Variants in DHRSX observed in about 807,000 individuals in gnomAD.
DHRSX encodes the protein dehydrogenase/reductase X-linked.
A neutral mutation model predicts 34.0 loss-of-function variants in DHRSX; 31 were observed. That is an observed-to-expected ratio of 0.91 (90% CI 0.69 to 1.23). The LOEUF is 1.23. Ranked by LOEUF, DHRSX falls within the 50% of genes most tolerant of loss-of-function variation. DHRSX has a pLI of 0.00. For synonymous variants in DHRSX, 201 were observed against 183.8 expected (o/e 1.09, Z -0.76); for missense variants, 414 against 428.1 (o/e 0.97, Z 0.29).
intron 1 of DHRSX, among the ~76,000 whole-genome samples, chrX:2,461,993 C>A (rs1199582912): frequency 6.6e-6 from 1 of 152,120 alleles, no homozygotes; most frequent in East Asian, 1.9e-4. Context: ...GCTGGCCATG[C>A]AGCTGTTTTA....
At position 2,243,809 on chromosome X, in the gene DHRSX, T is replaced by G. The variant is rs866351591; in HGVS notation, c.597-579A>C. On this transcript the variant is annotated intron_variant, in intron 5 of 6. Coordinates refer to ENST00000334651, the MANE Select transcript of DHRSX (RefSeq NM_145177.3). The stretch of plus-strand genomic sequence containing the variant: ...CCCTGTTTTTTTTTTTTTTTTTTTT[T>G]TTTTTTTTTTTTTGAGACAGATTCT... Among the ~76,000 whole-genome samples, 260 of 104,346 alleles carry G rather than the reference T, an allele frequency of 2.5e-3. 3 individuals are homozygous for G. The highest frequency in any genetic ancestry group is 3.0e-3 in the South Asian group (9 of 2,974). The allele number at this position is 104,346 out of a possible 152,430, so 68.5% of individuals were successfully genotyped here. A position where few individuals can be genotyped will look rare whatever the true frequency, so the allele number is the denominator to read the frequency against.
intron 3 of DHRSX, among the ~76,000 whole-genome samples, chrX:2,408,251 T>C (rs918306015): frequency 6.6e-6 from 1 of 152,062 alleles, no homozygotes; most frequent in Non-Finnish European, 1.5e-5. Flanking sequence ...AATTTTTGTA[T>C]TTTTAGTAGA....
intron 4 of DHRSX, among the ~76,000 whole-genome samples, chrX:2,282,502 TAGAGAGACAAGG>T (rs1569483427): frequency 7.8e-6 from 1 of 128,826 alleles, no homozygotes. Flanking sequence ...ACAAAGGAGA[TAGAGAGACAAGG>T]GGAGAGACAG....
intron 3 of DHRSX, among the ~76,000 whole-genome samples, chrX:2,393,442 T>TCCTGCACACAAGACACCCAGGGACAGGGA: frequency 6.6e-6 from 1 of 150,896 alleles, no homozygotes; most frequent in Non-Finnish European, 1.5e-5. Flanking sequence ...CCTCCCCATC[T>TCCTGCACACAAGACACCCAGGGACAGGGA]CCTGTGCACA....
intron 3 of DHRSX, among the ~76,000 whole-genome samples, chrX:2,302,030 G>A (rs1212383927): frequency 1.3e-5 from 2 of 152,078 alleles, no homozygotes; most frequent in African/African-American, 4.8e-5. Context: ...AAGAACTGGC[G>A]CTTCCTGCAG....
intron 3 of DHRSX, among the ~76,000 whole-genome samples, chrX:2,346,640 G>C (rs929989102): frequency 8.1e-6 from 1 of 123,518 alleles, no homozygotes; most frequent in Admixed American, 8.5e-5. Flanking sequence ...TGTTGTATGA[G>C]TCTGGTTTTT....
chrX:2,452,091 G>C (rs1569502854), intron 1 of DHRSX, among the ~76,000 whole-genome samples: 1 of 151,802 alleles, frequency 6.6e-6, no homozygotes, highest in Non-Finnish European at 1.5e-5. Flanking sequence ...TCGCCGCCAT[G>C]TACTCACTGA....
intron 3 of DHRSX, among the ~76,000 whole-genome samples, chrX:2,302,311 TAGAGA>T (rs1166670064): frequency 6.6e-6 from 1 of 151,954 alleles, no homozygotes; most frequent in African/African-American, 2.4e-5. Flanking sequence ...ATATTTTCCT[TAGAGA>T]AATACAGTTG....
chrX:2,234,517 T>C (rs189287709), intron 6 of DHRSX, among the ~76,000 whole-genome samples: 1 of 152,378 alleles, frequency 6.6e-6, no homozygotes, highest in Non-Finnish European at 1.5e-5. Context: ...TTTAGGTTTT[T>C]TGCAGTAGTA....
chrX:2,393,640 C>CCCAGGG (rs774841424), intron 3 of DHRSX, among the ~76,000 whole-genome samples: 775 of 46,302 alleles, frequency 0.017, 3 homozygotes, highest in Middle Eastern at 0.019. Flanking sequence ...ACACACGACA[C>CCCAGGG]ACAGGGACCT....
At chrX:2,372,558 TG>T (rs1317007101) in intron 3 of DHRSX, among the ~76,000 whole-genome samples, 3 of 151,848 alleles carry the variant, frequency 2.0e-5, no homozygotes, top group Non-Finnish European at 4.4e-5. Flanking sequence ...TCCAGCATGT[TG>T]GGGTTTTAGG....
intron 3 of DHRSX, among the ~76,000 whole-genome samples, chrX:2,316,501 G>A (rs1337053108): frequency 2.6e-5 from 4 of 152,014 alleles, no homozygotes; most frequent in Admixed American, 6.6e-5. Context: ...GCAGTGAGCC[G>A]AGATTGCACC....
rs183596696 is a variant in DHRSX at position 2,409,118 on chromosome X, T to C, written c.218-305A>G. Reference sequence around the variant, plus strand: ...GTAATTTGCACGTGAGAGCTGAGAATAGCATAAGCATAAAAAATGTGCATT... The same window carrying C: ...GTAATTTGCACGTGAGAGCTGAGAACAGCATAAGCATAAAAAATGTGCATT... On this transcript the variant is annotated intron_variant, in intron 2 of 6. Transcript: ENST00000334651. Among the ~76,000 whole-genome samples, 7 of 152,290 alleles carry C rather than the reference T, an allele frequency of 4.6e-5. No homozygotes were observed. In the East Asian group the frequency reaches 7.7e-4, roughly 17 times the overall value.
intron 6 of DHRSX, among the ~76,000 whole-genome samples, chrX:2,232,325 G>C (rs1483526540): frequency 1.2e-5 from 1 of 82,234 alleles, no homozygotes; most frequent in Non-Finnish European, 2.2e-5. Flanking sequence ...GTATCCACTT[G>C]TTTTGAAAAC....
At chrX:2,259,379 TATATATAG>T (rs1201000420) in intron 5 of DHRSX, among the ~76,000 whole-genome samples, 2 of 67,348 alleles carry the variant, frequency 3.0e-5, no homozygotes, top group East Asian at 2.1e-4. Flanking sequence ...TATATAGATA[TATATATAG>T]ATATATAGAT....
chrX:2,302,479 T>C (rs2042024128), intron 3 of DHRSX, among the ~76,000 whole-genome samples: 1 of 151,872 alleles, frequency 6.6e-6, no homozygotes, highest in Non-Finnish European at 1.5e-5. Context: ...GGGCATGGGG[T>C]CAGGCACCTG....
At chrX:2,283,386 G>C (rs1242539697) in intron 4 of DHRSX, among the ~76,000 whole-genome samples, 1 of 152,150 alleles carries the variant, frequency 6.6e-6, no homozygotes, top group African/African-American at 2.4e-5. Context: ...AGCTCTGGAA[G>C]AGAAGCAAAC....
intron 1 of DHRSX, chrX:2,486,744 C>G (rs1364317884): frequency 6.6e-6 from 1 of 152,256 alleles, no homozygotes; most frequent in Non-Finnish European, 1.5e-5. Context: ...ACACCCGGAG[C>G]TGAGGGTTCC....
At chrX:2,462,375 A>C (rs2044414968) in intron 1 of DHRSX, among the ~76,000 whole-genome samples, 1 of 152,142 alleles carries the variant, frequency 6.6e-6, no homozygotes. Flanking sequence ...GCAAAAGAGC[A>C]ATAATATTTC....
Sources: allele counts gnomAD v4.1 joint callset (sites outside exome capture counted in the v4.1 genomes callset), GRCh38; gene constraint gnomAD v4.1.1; transcripts MANE v1.5; gene names NCBI Gene and HGNC (gene_info 2026-07-23, HGNC 2026-07-21).